SLC39A11: variants seen among roughly 807,000 people sequenced by gnomAD.
SLC39A11 encodes zinc transporter ZIP11.
In SLC39A11, 33 loss-of-function variants were observed where a neutral mutation model predicts 36.1. The ratio of observed to expected loss-of-function variants is 0.91; its 90% CI spans 0.69 to 1.22. The LOEUF is 1.22. Ranked by LOEUF, SLC39A11 falls within the 50% of genes most tolerant of loss-of-function variation. The pLI, the probability that SLC39A11 is intolerant of heterozygous loss-of-function variation, is 0.00. For synonymous variants in SLC39A11, 166 were observed against 170.3 expected, an observed-to-expected ratio of 0.97 and a Z score of 0.20; for missense variants, 432 against 430.3, an observed-to-expected ratio of 1.00 and a Z score of -0.03.
At chr17:72,778,326 T>C (rs971166242) in intron 6 of SLC39A11, among the ~76,000 whole-genome samples, 6 of 152,172 alleles carry the variant, frequency 3.9e-5, no homozygotes, top group Non-Finnish European at 7.4e-5. Context: ...GAGGCCCCGG[T>C]CTCAGCCCCT....
At chr17:72,871,004 T>A (rs1308672643) in intron 5 of SLC39A11, among the ~76,000 whole-genome samples, 1 of 151,962 alleles carries the variant, frequency 6.6e-6, no homozygotes, top group East Asian at 1.9e-4. Context: ...TTGTTATTCA[T>A]AACAAGCCCT....
At chr17:72,831,531 C>G (rs1320476633) in intron 6 of SLC39A11, among the ~76,000 whole-genome samples, 1 of 152,204 alleles carries the variant, frequency 6.6e-6, no homozygotes, top group Non-Finnish European at 1.5e-5. Context: ...GTCATTCTTA[C>G]AATCACCTAC....
intron 6 of SLC39A11, among the ~76,000 whole-genome samples, chr17:72,827,132 G>A (rs781686276): frequency 8.5e-5 from 13 of 152,184 alleles, no homozygotes; most frequent in Admixed American, 3.3e-4. Flanking sequence ...TGAACAAAAT[G>A]TGGTATAGAC....
chr17:73,083,592 G>A (rs1402418532), intron 3 of SLC39A11, among the ~76,000 whole-genome samples: 1 of 152,016 alleles, frequency 6.6e-6, no homozygotes, highest in Non-Finnish European at 1.5e-5. Flanking sequence ...AAGACTCCAG[G>A]TCTAACTCTC....
At chr17:73,087,050 T>C (rs11872030) in intron 2 of SLC39A11, among the ~76,000 whole-genome samples, 54,678 of 151,108 alleles carry the variant, frequency 0.36, 10,065 homozygotes, top group South Asian at 0.44. Context: ...AGCAAGACTC[T>C]GTCTAAAGAA....
intron 5 of SLC39A11, among the ~76,000 whole-genome samples, chr17:72,941,189 C>T (rs1306677452): frequency 6.6e-6 from 1 of 152,186 alleles, no homozygotes; most frequent in Non-Finnish European, 1.5e-5. Flanking sequence ...GAGAGGATAG[C>T]TTGAGCCCAG....
intron 4 of SLC39A11, among the ~76,000 whole-genome samples, chr17:72,976,842 C>T (rs1389114931): frequency 4.6e-5 from 7 of 151,460 alleles, no homozygotes; most frequent in Non-Finnish European, 1.0e-4. Flanking sequence ...GAGCAAGACT[C>T]CGTCTCAAAA....
chr17:72,982,298 A>G (rs1376781199), intron 4 of SLC39A11, among the ~76,000 whole-genome samples: 1 of 152,230 alleles, frequency 6.6e-6, no homozygotes, highest in Non-Finnish European at 1.5e-5. Flanking sequence ...TATCCACTGT[A>G]TAATCCCACT....
chr17:72,924,419 A>G (rs767027478), intron 5 of SLC39A11, among the ~76,000 whole-genome samples: 32 of 152,088 alleles, frequency 2.1e-4, no homozygotes, highest in Non-Finnish European at 4.4e-4. Flanking sequence ...AGTTACCTCA[A>G]AAGAGGTGTA....
intron 4 of SLC39A11, among the ~76,000 whole-genome samples, chr17:72,964,865 A>G (rs952495718): frequency 1.3e-5 from 2 of 152,248 alleles, no homozygotes; most frequent in Non-Finnish European, 2.9e-5. Flanking sequence ...ATGTCCATCA[A>G]TGATAGACTG....
rs80351029 is a variant in SLC39A11, at chr17:72,863,995, A to T, written c.431-14191T>A. Among the ~76,000 whole-genome samples, 503 of 152,274 alleles carry T rather than the reference A, an allele frequency of 3.3e-3. 3 individuals are homozygous for T. The highest frequency in any genetic ancestry group is 0.012 in the African/African-American group (481 of 41,554). ...CTAAAGTTGAGTCACTGTATAAACC[A>T]CTGAGACTGAACCCTCTCCTCTCAC... On this transcript the variant is annotated intron_variant, in intron 5 of 9. Transcript: ENST00000255559.
intron 5 of SLC39A11, among the ~76,000 whole-genome samples, chr17:72,943,321 A>C (rs187147308): frequency 6.6e-6 from 1 of 152,360 alleles, no homozygotes; most frequent in East Asian, 1.9e-4. Flanking sequence ...AAGATTTTAG[A>C]GTAGAAAACA....
chr17:72,878,149 T>A (rs930119079), intron 5 of SLC39A11, among the ~76,000 whole-genome samples: 4 of 152,100 alleles, frequency 2.6e-5, no homozygotes, highest in Non-Finnish European at 5.9e-5. Flanking sequence ...GGACATGAAC[T>A]CATCATTTTT....
At chr17:73,062,236 G>A (rs1401222612) in intron 3 of SLC39A11, among the ~76,000 whole-genome samples, 1 of 151,562 alleles carries the variant, frequency 6.6e-6, no homozygotes, top group Non-Finnish European at 1.5e-5. Context: ...TAGGCAGGCA[G>A]ATCACATGAG....
At chr17:72,997,692 G>A (rs1177394538) in intron 4 of SLC39A11, among the ~76,000 whole-genome samples, 1 of 152,202 alleles carries the variant, frequency 6.6e-6, no homozygotes, top group Non-Finnish European at 1.5e-5. Context: ...GTTCTGAGTA[G>A]CATGATGAAA....
chr17:73,008,677 C>G (rs2090330367), intron 4 of SLC39A11, among the ~76,000 whole-genome samples: 1 of 152,202 alleles, frequency 6.6e-6, no homozygotes, highest in Non-Finnish European at 1.5e-5. Context: ...AAGGCAGAAC[C>G]AGCCCAAATG....
At chr17:72,888,503 T>C (rs2081549612) in intron 5 of SLC39A11, among the ~76,000 whole-genome samples, 1 of 152,180 alleles carries the variant, frequency 6.6e-6, no homozygotes, top group Non-Finnish European at 1.5e-5. Flanking sequence ...TTCCCTGACC[T>C]AAATAGAGAC....
At chr17:72,841,461 C>G (rs1371132719) in intron 6 of SLC39A11, among the ~76,000 whole-genome samples, 2 of 152,176 alleles carry the variant, frequency 1.3e-5, no homozygotes, top group Admixed American at 1.3e-4. Flanking sequence ...AGACAAACTT[C>G]TCATGTTCTC....
rs1400328705 is a variant in SLC39A11, at chr17:72,717,010, C to T, written c.671+19640G>A. 6.8e-3 allele frequency among the ~76,000 whole-genome samples: 984 copies of T among 145,530 alleles called. 10 individuals carry two copies. Among genetic ancestry groups the T allele is most frequent in the African/African-American group, 0.024 (918 of 38,540 alleles). On this transcript the variant is annotated intron_variant, in intron 7 of 9. Coordinates refer to ENST00000255559, the MANE Select transcript of SLC39A11 (RefSeq NM_139177.4). ...ATATATATACACACACACACACACACACACACACACACACATATACACATA... is the reference window on the plus strand; with the variant it reads ...ATATATATACACACACACACACACATACACACACACACACATATACACATA...
Sources: allele counts gnomAD v4.1 joint callset (sites outside exome capture counted in the v4.1 genomes callset), GRCh38; gene constraint gnomAD v4.1.1; transcripts MANE v1.5; gene names NCBI Gene and HGNC (gene_info 2026-07-23, HGNC 2026-07-21).